The following ADCY1 variants were observed in gnomAD, a reference collection of about 807,000 sequenced individuals.
The protein encoded by ADCY1 is adenylate cyclase 1.
In ADCY1, 28 loss-of-function variants were observed where a neutral mutation model predicts 105.4. The observed-to-expected ratio is 0.27, with a 90% CI of 0.20 to 0.36. ADCY1 has a LOEUF of 0.36. Ranked by LOEUF, ADCY1 falls within the 10% of genes least tolerant of loss-of-function variation. The pLI is 1.00. For missense variants in ADCY1, 977 were observed against 1,434.2 expected (o/e 0.68, Z 5.15); for synonymous variants, 655 against 623.8 (o/e 1.05, Z -0.75).
intron 4 of ADCY1, among the ~76,000 whole-genome samples, chr7:45,639,042 G>C (rs1032746271): frequency 2.0e-5 from 3 of 152,126 alleles, no homozygotes; most frequent in Admixed American, 6.5e-5. Context: ...CCCTTGTGTT[G>C]GTGATGCAAG....
At chr7:45,689,481 G>A (rs2461124) in intron 14 of ADCY1, among the ~76,000 whole-genome samples, 63,589 of 151,828 alleles carry the variant, frequency 0.42, 14,429 homozygotes, top group South Asian at 0.63. Flanking sequence ...GTCACATGGC[G>A]AGAGCAGGAG....
intron 5 of ADCY1, among the ~76,000 whole-genome samples, chr7:45,649,774 C>T (rs760587051): frequency 1.1e-4 from 16 of 152,316 alleles, no homozygotes; most frequent in East Asian, 1.9e-4. Flanking sequence ...TGAGCAAAGC[C>T]GAGCCCTGTG....
At chr7:45,609,387 A>C (rs1042356283) in intron 2 of ADCY1, among the ~76,000 whole-genome samples, 4 of 152,172 alleles carry the variant, frequency 2.6e-5, no homozygotes, top group African/African-American at 7.2e-5. Context: ...GACTACTGCT[A>C]AGGCTCCTTG....
At chr7:45,676,497 C>G (rs574032837) in intron 8 of ADCY1, among the ~76,000 whole-genome samples, 21 of 152,206 alleles carry the variant, frequency 1.4e-4, no homozygotes, top group African/African-American at 5.1e-4. Context: ...TTTGTTTTAG[C>G]AAGTCTCTTC....
chr7:45,708,583 G>C lies in ADCY1; in HGVS notation c.2932+119G>C. Reference sequence around the variant, plus strand: ...ACAGGAAGGAGGGTGGTGCCACCCAGGAGGGCATGGGGACCTGTGTACCGA... The same window carrying C: ...ACAGGAAGGAGGGTGGTGCCACCCACGAGGGCATGGGGACCTGTGTACCGA... On this transcript the variant is annotated intron_variant, in intron 18 of 19. Coordinates refer to ENST00000297323, the MANE Select transcript of ADCY1 (RefSeq NM_021116.4). This position sits in a 1 kb window ranked among gnomAD's most constrained non-coding sequence, Gnocchi z 4.7. The C allele has an allele frequency of 1.4e-6, 1 of 721,612 alleles. No homozygotes were observed. Among genetic ancestry groups the C allele is most frequent in the Non-Finnish European group, 2.4e-6 (1 of 414,576 alleles). 44.7% of individuals were successfully genotyped at this position (721,612 alleles called of 1,614,324 possible).
rs527702192 is a variant in ADCY1 at position 45,718,962 on chromosome 7, C to T, written c.*4967C>T. ...TGGGTGATCTGAGTGTGGTCAGGCC[C>T]TGCCGTTGGGGAATGAATGCCACAC... On this transcript the variant is annotated 3_prime_UTR_variant, in exon 20 of 20. Transcript: ENST00000297323. 3 of 152,830 alleles carry T rather than the reference C, an allele frequency of 2.0e-5. No homozygotes were observed. The highest frequency in any genetic ancestry group is 6.5e-5 in the Admixed American group (1 of 15,290). The allele number at this position is 152,830 out of a possible 1,614,324, so 9.5% of individuals were successfully genotyped here.
intron 14 of ADCY1, among the ~76,000 whole-genome samples, chr7:45,697,760 A>G (rs1235303473): frequency 1.3e-5 from 2 of 152,196 alleles, no homozygotes; most frequent in African/African-American, 4.8e-5. Flanking sequence ...CCTGCCTCCA[A>G]CTACTATGTT....
chr7:45,682,751 C>T (rs1584328909), intron 11 of ADCY1, among the ~76,000 whole-genome samples: 1 of 152,160 alleles, frequency 6.6e-6, no homozygotes, highest in Admixed American at 6.5e-5. Context: ...AGGCCGCATC[C>T]CATCATAGGT....
intron 6 of ADCY1, among the ~76,000 whole-genome samples, chr7:45,659,067 G>C (rs1350415206): frequency 6.6e-6 from 1 of 152,174 alleles, no homozygotes; most frequent in Non-Finnish European, 1.5e-5. Context: ...TGGCCCCTTT[G>C]CAGCCTCTCT....
rs1232881379 is a variant in ADCY1 at position 45,647,764 on chromosome 7, T to G, written c.1021-906T>G. On this transcript the variant is annotated intron_variant, in intron 4 of 19. Transcript: ENST00000297323. The surrounding 1 kb of genome is among the most constrained non-coding windows in gnomAD (Gnocchi z 4.6). ...AAATGTCGTGATTTTTCATAAAATGTTATTTATGTTAACATGCAGTGGATT... is the reference window on the plus strand; with the variant it reads ...AAATGTCGTGATTTTTCATAAAATGGTATTTATGTTAACATGCAGTGGATT... Among the ~76,000 whole-genome samples, 1 of 152,270 alleles carries G rather than the reference T, an allele frequency of 6.6e-6. No homozygotes were observed. The highest frequency in any genetic ancestry group is 2.4e-5 in the African/African-American group (1 of 41,472).
chr7:45,622,360 T>C lies in ADCY1; in HGVS notation c.909-272T>C, dbSNP rs3735673. 7.8e-3 allele frequency among the ~76,000 whole-genome samples: 1,187 copies of C among 152,094 alleles called. 64 individuals carry two copies. In the East Asian group the frequency reaches 0.12, roughly 16 times the overall value. ...GGGCAGATGGGCTTTCCCTATGTGG[T>C]GTGAGGGGTCAGCATGGGGGATGGC... is the stretch of plus-strand genomic sequence containing the variant. On this transcript the variant is annotated intron_variant, in intron 3 of 19. Transcript: ENST00000297323.
At chr7:45,589,216 A>G (rs777674643) in intron 1 of ADCY1, among the ~76,000 whole-genome samples, 1 of 152,152 alleles carries the variant, frequency 6.6e-6, no homozygotes, top group Non-Finnish European at 1.5e-5. Context: ...GAGGGTGTCC[A>G]TACTGGGAGA....
intron 4 of ADCY1, among the ~76,000 whole-genome samples, chr7:45,637,603 T>C (rs1794426505): frequency 6.6e-6 from 1 of 152,146 alleles, no homozygotes; most frequent in Non-Finnish European, 1.5e-5. Flanking sequence ...CACATACCTG[T>C]AGTCCTACTT....
At position 45,703,728 on chromosome 7, in the gene ADCY1, C is replaced by A; in HGVS notation, c.2700C>A (p.Ile900=). ...GVECLRLLNE[I]IADFDELMEK... is the part of the protein sequence containing the mutation. ...AGTGTCTGCGGCTTCTCAACGAGAT[C>A]ATCGCCGACTTTGACGAGGTGAGGC... is the stretch of plus-strand genomic sequence containing the variant. Residue 900 remains isoleucine (I), a synonymous_variant, in exon 16 of 20, where the codon ATC becomes ATA. Coordinates refer to ENST00000297323, the MANE Select transcript of ADCY1 (RefSeq NM_021116.4). This position sits in a 1 kb window ranked among gnomAD's most constrained non-coding sequence, Gnocchi z 5.9. 6.3e-7 allele frequency: 1 copy of A among 1,587,892 alleles called. No individual in the cohort carries two copies. The highest frequency in any genetic ancestry group is 8.6e-7 in the Non-Finnish European group (1 of 1,165,394).
rs1243837811 is a variant in ADCY1, at chr7:45,717,238, C to CA, written c.*3244dup. 6.6e-6 allele frequency: 1 copy of CA among 152,192 alleles called. No homozygotes were observed. Among genetic ancestry groups the CA allele is most frequent in the Non-Finnish European group, 1.5e-5 (1 of 68,056 alleles). 9.4% of individuals were successfully genotyped at this position (152,192 alleles called of 1,614,324 possible). A position where few individuals can be genotyped will look rare whatever the true frequency, so the allele number is the denominator to read the frequency against. ...GGGACCATGCTGCCTTCTCTGGGCTCACGACTGTTCTGGAAAGGACCCCAT... is the reference window on the plus strand; with the variant it reads ...GGGACCATGCTGCCTTCTCTGGGCTCAACGACTGTTCTGGAAAGGACCCCAT... On this transcript the variant is annotated 3_prime_UTR_variant, in exon 20 of 20. Coordinates refer to ENST00000297323, the MANE Select transcript of ADCY1 (RefSeq NM_021116.4).
At position 45,719,396 on chromosome 7, in the gene ADCY1, A is replaced by C. The variant is rs1361320322; in HGVS notation, c.*5401A>C. On this transcript the variant is annotated 3_prime_UTR_variant, in exon 20 of 20. Transcript: ENST00000297323. ...AAAGCAGATCCTGTACTAGGATGTGAGGATATCTGTCACCTGCGTGGTCCA... is the reference window on the plus strand; with the variant it reads ...AAAGCAGATCCTGTACTAGGATGTGCGGATATCTGTCACCTGCGTGGTCCA... 6.6e-6 allele frequency: 1 copy of C among 152,244 alleles called. No homozygotes were observed. The highest frequency in any genetic ancestry group is 1.5e-5 in the Non-Finnish European group (1 of 68,034). The allele number at this position is 152,244 out of a possible 1,614,324, so 9.4% of individuals were successfully genotyped here.
chr7:45,574,602 G>T lies in ADCY1; in HGVS notation c.59G>T (p.Gly20Val), dbSNP rs1050576340. Residue 20 changes from glycine (G) to valine (V), a missense_variant, in exon 1 of 20, where the codon GGC becomes GTC. Coordinates refer to ENST00000297323, the MANE Select transcript of ADCY1 (RefSeq NM_021116.4). This position sits in a 1 kb window ranked among gnomAD's most constrained non-coding sequence, Gnocchi z 7.0. ...GGAGGCGGCGCGGGCGAGCCCGGGG[G>T]CGCCGAGCGGGCGGCCGGGACAAGC... ...GGGGGAGEPG[G>V]AERAAGTSRR... 2 of 1,115,572 alleles carry T rather than the reference G, an allele frequency of 1.8e-6. No individual in the cohort carries two copies. The highest frequency in any genetic ancestry group is 1.7e-5 in the African/African-American group (1 of 59,948). The allele number at this position is 1,115,572 out of a possible 1,614,324, so 69.1% of individuals were successfully genotyped here.
rs914951341 is a variant in ADCY1 at position 45,657,635 on chromosome 7, C to T, written c.1149-92C>T. 37 of 1,357,592 alleles carry T rather than the reference C, an allele frequency of 2.7e-5. No homozygotes were observed. In the Middle Eastern group the frequency reaches 7.8e-4, roughly 29 times the overall value. 84.1% of individuals were successfully genotyped at this position (1,357,592 alleles called of 1,614,324 possible). ...GCAGCAAGGACAAGACCCAGTTTCCCTGGTGCTCACAGCCTAGCAGTGCAG... is the reference window on the plus strand; with the variant it reads ...GCAGCAAGGACAAGACCCAGTTTCCTTGGTGCTCACAGCCTAGCAGTGCAG... On this transcript the variant is annotated intron_variant, in intron 5 of 19. Coordinates refer to ENST00000297323, the MANE Select transcript of ADCY1 (RefSeq NM_021116.4).
intron 17 of ADCY1, among the ~76,000 whole-genome samples, chr7:45,705,496 GA>G (rs1425735044): frequency 6.6e-6 from 1 of 152,124 alleles, no homozygotes; most frequent in Non-Finnish European, 1.5e-5. Context: ...AATTGATGCA[GA>G]AAAATTATTT....
Sources: allele counts gnomAD v4.1 joint callset (sites outside exome capture counted in the v4.1 genomes callset), GRCh38; gene constraint gnomAD v4.1.1; non-coding constraint Gnocchi (gnomAD v3.1); transcripts MANE v1.5; gene names NCBI Gene and HGNC (gene_info 2026-07-23, HGNC 2026-07-21).